BTBD7: variants seen among roughly 807,000 people sequenced by gnomAD.
BTBD7 encodes the protein BTB/POZ domain-containing protein 7.
In BTBD7, 38 loss-of-function variants were observed where a neutral mutation model predicts 99.9. The observed-to-expected ratio is 0.38, with a 90% CI of 0.29 to 0.50. The LOEUF is 0.50. BTBD7 is among the 20% of genes least tolerant of loss of function. BTBD7 has a pLI of 0.93. For missense variants in BTBD7, 1,170 were observed against 1,394.6 expected (o/e 0.84, Z 2.57); for synonymous variants, 520 against 511.4 (o/e 1.02, Z -0.23).
chr14:93,332,714 C>G, intron 1 of BTBD7, 106 bp downstream of exon 1: 8 of 1,336,108 alleles, frequency 6.0e-6, no homozygotes, highest in Middle Eastern at 4.0e-4. Flanking sequence ...GGCCCCAGCC[C>G]CGGCGCCCCC....
chr14:93,255,922 T>TG (rs926418059), intron 6 of BTBD7: 3 of 152,256 alleles, frequency 2.0e-5, no homozygotes, highest in African/African-American at 7.2e-5. Context: ...GGTGTGTGTG[T>TG]AATTAGTGAG....
At chr14:93,313,445 A>G (rs976679696) in intron 1 of BTBD7, among the ~76,000 whole-genome samples, 1 of 152,186 alleles carries the variant, frequency 6.6e-6, no homozygotes, top group South Asian at 2.1e-4. Flanking sequence ...AATATAACCT[A>G]TTATAATTCA....
Position 93,246,744 on chromosome 14 carries a change from T to C in BTBD7, c.2122-458A>G, listed in dbSNP as rs564799814. On this transcript the variant is annotated intron_variant, in intron 9 of 10. Coordinates refer to ENST00000334746, the MANE Select transcript of BTBD7 (RefSeq NM_001002860.4). Reference sequence around the variant, plus strand: ...TCATTACCCATTATACATGACTAAGTCTGACCAATATTTTGGTAAACATTA... The same window carrying C: ...TCATTACCCATTATACATGACTAAGCCTGACCAATATTTTGGTAAACATTA... 2.0e-5 allele frequency among the ~76,000 whole-genome samples: 3 copies of C among 152,370 alleles called. No individual in the cohort carries two copies. The South Asian group carries it at 6.2e-4, about 32-fold the overall frequency.
chr14:93,243,052 T>C lies in BTBD7; in HGVS notation c.2620A>G (p.Ile874Val). 1.2e-6 allele frequency: 2 copies of C among 1,614,090 alleles called. No homozygotes were observed. Among genetic ancestry groups the C allele is most frequent in the Non-Finnish European group, 1.7e-6 (2 of 1,180,006 alleles). Residue 874 changes from isoleucine to valine, a missense_variant, in exon 11 of 11, where the codon ATC (isoleucine) becomes GTC (valine). Physicochemically the swap from Ile to Val is conservative, Grantham distance 29 (BLOSUM62 3). This residue lies in a region of BTBD7 where 495 missense variants were observed against 525.9 expected (regional missense o/e 0.94). Transcript: ENST00000334746. ...QPVLNDLMPD[I>V]AVGVSTLSLK... ...GACAGTGTGGACACACCCACCGCGA[T>C]GTCTGGCATCAGATCATTCAGCACA... is the stretch of plus-strand genomic sequence containing the variant.
At chr14:93,332,003 C>T (rs2053432830) in intron 1 of BTBD7, among the ~76,000 whole-genome samples, 3 of 151,910 alleles carry the variant, frequency 2.0e-5, no homozygotes, top group South Asian at 4.1e-4. Flanking sequence ...ACCAAGACTG[C>T]TTCTGTAAAT....
chr14:93,321,681 G>A lies in BTBD7; in HGVS notation c.-107+11139C>T, dbSNP rs372495747. Among the ~76,000 whole-genome samples the A allele has an allele frequency of 2.6e-5, 4 of 152,318 alleles. No individual in the cohort carries two copies. The East Asian group carries it at 5.8e-4, about 22-fold the overall frequency. On this transcript the variant is annotated intron_variant, in intron 1 of 10. Coordinates refer to ENST00000334746, the MANE Select transcript of BTBD7 (RefSeq NM_001002860.4). ...TACAATGTAGGGGAAGCATAAATCA[G>A]TGGCGATAAAGACTTCTGGAGCAAA...
At chr14:93,316,669 A>T (rs1272835040) in intron 1 of BTBD7, among the ~76,000 whole-genome samples, 2 of 152,188 alleles carry the variant, frequency 1.3e-5, no homozygotes, top group Admixed American at 6.5e-5. Context: ...TGTGTCTGGC[A>T]AATATAGTAG....
At chr14:93,289,459 G>T (rs778532897) in intron 3 of BTBD7, among the ~76,000 whole-genome samples, 10 of 152,210 alleles carry the variant, frequency 6.6e-5, no homozygotes, top group Non-Finnish European at 1.5e-4. Context: ...CAGGTGAACT[G>T]CCTCACTTCT....
At chr14:93,277,888 C>G (rs1259777794) in intron 3 of BTBD7, among the ~76,000 whole-genome samples, 1 of 152,168 alleles carries the variant, frequency 6.6e-6, no homozygotes, top group Non-Finnish European at 1.5e-5. Context: ...TGTATAATTT[C>G]CTGTCACAGG....
At chr14:93,289,511 C>T (rs182100213) in intron 3 of BTBD7, among the ~76,000 whole-genome samples, 283 of 152,282 alleles carry the variant, frequency 1.9e-3, no homozygotes, top group African/African-American at 6.5e-3. Context: ...CAGGCTGCTC[C>T]TCTGTTAAGC....
At chr14:93,304,073 A>G (rs1485588087) in intron 1 of BTBD7, among the ~76,000 whole-genome samples, 1 of 152,362 alleles carries the variant, frequency 6.6e-6, no homozygotes, top group East Asian at 1.9e-4. Context: ...AGAGCCTATA[A>G]GCAGAGGGTG....
At chr14:93,268,754 A>G (rs867000031) in intron 3 of BTBD7, among the ~76,000 whole-genome samples, 6 of 132,398 alleles carry the variant, frequency 4.5e-5, no homozygotes, top group African/African-American at 1.7e-4. Flanking sequence ...TCTAACTTAG[A>G]CCTTTTTTTT....
intron 3 of BTBD7, 101 bp from the exon 4 acceptor site, chr14:93,264,094 G>GAACT: frequency 1.0e-6 from 1 of 998,808 alleles, no homozygotes; most frequent in Non-Finnish European, 1.5e-6. Context: ...TAGCAAAAAA[G>GAACT]AACTCAAGGA....
chr14:93,273,128 C>T (rs2052618117), intron 3 of BTBD7, among the ~76,000 whole-genome samples: 1 of 152,174 alleles, frequency 6.6e-6, no homozygotes, highest in South Asian at 2.1e-4. Flanking sequence ...TCTCCCCCTC[C>T]CATTCCTACT....
At chr14:93,316,259 T>C (rs1249663556) in intron 1 of BTBD7, among the ~76,000 whole-genome samples, 2 of 151,310 alleles carry the variant, frequency 1.3e-5, no homozygotes, top group Non-Finnish European at 2.9e-5. Context: ...CCAGTCTTTT[T>C]TTTTTTAATT....
At chr14:93,276,579 A>C (rs1282116363) in intron 3 of BTBD7, among the ~76,000 whole-genome samples, 2 of 152,204 alleles carry the variant, frequency 1.3e-5, no homozygotes, top group East Asian at 3.8e-4. Flanking sequence ...GTAAAAAATT[A>C]ATCACTGACT....
At chr14:93,302,924 G>GA (rs11415166) in intron 1 of BTBD7, among the ~76,000 whole-genome samples, 18,404 of 152,122 alleles carry the variant, frequency 0.12, 1,417 homozygotes, top group African/African-American at 0.22. Context: ...GAGGCAAGAG[G>GA]ATCGTTTGAG....
chr14:93,295,835 G>T lies in BTBD7; in HGVS notation c.82+135C>A, dbSNP rs2052919190. On this transcript the variant is annotated intron_variant, in intron 2 of 10. Transcript: ENST00000334746. ...ACCAGACTTAAGATTTACGTTTGTT[G>T]GGGGAAAAAACCTAGATGCTGCAGA... 5 of 765,310 alleles carry T rather than the reference G, an allele frequency of 6.5e-6. No individual in the cohort carries two copies. In the East Asian group the frequency reaches 1.4e-4, roughly 21 times the overall value. 47.4% of individuals were successfully genotyped at this position (765,310 alleles called of 1,614,324 possible).
At chr14:93,255,002 C>T (rs180940201) in intron 6 of BTBD7, among the ~76,000 whole-genome samples, 6 of 152,014 alleles carry the variant, frequency 3.9e-5, no homozygotes, top group Non-Finnish European at 7.4e-5. Flanking sequence ...ATATTACTCT[C>T]ATTAAATATA....
Sources: gnomAD v4.1 joint callset for allele counts (sites outside exome capture counted in the v4.1 genomes callset) on GRCh38, gnomAD v4.1.1 for gene constraint, gnomAD v4.1.1 regional missense constraint, MANE v1.5 for transcripts, NCBI Gene and HGNC (gene_info 2026-07-23, HGNC 2026-07-21) for gene names.